Variants in TRPM1 observed in about 807,000 individuals in gnomAD.
TRPM1 encodes TRPM1-203 APA Isoform, Intron 10.
In TRPM1, 113 loss-of-function variants were observed where a neutral mutation model predicts 149.4. That is an observed-to-expected ratio of 0.76 (90% CI 0.65 to 0.88). The LOEUF is 0.88. TRPM1 is among the 40% of genes least tolerant of loss of function. The pLI, the probability that TRPM1 is intolerant of heterozygous loss-of-function variation, is 0.00. For synonymous variants in TRPM1, 741 were observed against 759.5 expected, an observed-to-expected ratio of 0.98 and a Z score of 0.40; for missense variants, 1,976 against 2,038.7, an observed-to-expected ratio of 0.97 and a Z score of 0.59.
At chr15:31,157,000 C>T (rs2036387132) in intron 1 of TRPM1, among the ~76,000 whole-genome samples, 1 of 151,908 alleles carries the variant, frequency 6.6e-6, no homozygotes, top group Non-Finnish European at 1.5e-5. Context: ...CATCCTTGAC[C>T]TCCTTGGGCT....
intron 1 of TRPM1, among the ~76,000 whole-genome samples, chr15:31,090,257 T>C (rs998581135): frequency 1.3e-5 from 2 of 152,104 alleles, no homozygotes; most frequent in Non-Finnish European, 1.5e-5. Flanking sequence ...TCCTCACCCT[T>C]CAACCAGCTG....
intron 1 of TRPM1, among the ~76,000 whole-genome samples, chr15:31,097,316 G>A (rs376198549): frequency 1.5e-5 from 2 of 137,872 alleles, no homozygotes; most frequent in African/African-American, 2.7e-5. Context: ...TAGGAACTAT[G>A]GAGGGTATCC....
chr15:31,072,114 T>C (rs1192527766), intron 3 of TRPM1, among the ~76,000 whole-genome samples: 1 of 150,666 alleles, frequency 6.6e-6, no homozygotes, highest in African/African-American at 2.4e-5. Context: ...TTCGAACATT[T>C]TCATCACCTC....
chr15:31,032,801 C>A lies in TRPM1; in HGVS notation c.2840G>T (p.Gly947Val). ...CACACAGTAGATCACCCGGCCATAGCCCATGTAGGGCTGGTTCTGTAGGCG... is the reference window on the plus strand; with the variant it reads ...CACACAGTAGATCACCCGGCCATAGACCATGTAGGGCTGGTTCTGTAGGCG... ...ILRLQNQPYM[G>V]YGRVIYCVDI... Residue 947 changes from glycine to valine, a missense_variant, in exon 22 of 28, where the codon GGC (glycine) becomes GTC (valine). By Grantham distance (109) the Gly-to-Val change is moderately radical (BLOSUM62 -3). Coordinates refer to ENST00000256552, the MANE Select transcript of TRPM1 (RefSeq NM_001252024.2). The A allele has an allele frequency of 2.5e-6, 4 of 1,614,164 alleles. No homozygotes were observed. The highest frequency in any genetic ancestry group is 3.4e-6 in the Non-Finnish European group (4 of 1,180,024).
chr15:31,156,933 T>A (rs1022164758), intron 1 of TRPM1, among the ~76,000 whole-genome samples: 58 of 151,052 alleles, frequency 3.8e-4, no homozygotes, highest in Middle Eastern at 3.4e-3. Flanking sequence ...TACATTTATT[T>A]TTTTTTTTTT....
At chr15:31,066,854 T>C (rs751751018) in intron 6 of TRPM1, among the ~76,000 whole-genome samples, 1 of 152,146 alleles carries the variant, frequency 6.6e-6, no homozygotes, top group Admixed American at 6.5e-5. Flanking sequence ...CTCGTGTTGA[T>C]GGAAACATTC....
chr15:31,035,192 C>T (rs536064123), intron 21 of TRPM1, among the ~76,000 whole-genome samples: 58 of 152,250 alleles, frequency 3.8e-4, no homozygotes, highest in African/African-American at 3.9e-4. Flanking sequence ...TTAGTTGAGA[C>T]GGGGTTTCAC....
intron 20 of TRPM1, among the ~76,000 whole-genome samples, chr15:31,037,323 G>A (rs552430162): frequency 2.0e-5 from 3 of 152,330 alleles, no homozygotes; most frequent in African/African-American, 7.2e-5. Context: ...CCCTTGTAAT[G>A]ACCCCACCAA....
At chr15:31,120,430 A>G (rs12324335) in intron 1 of TRPM1, among the ~76,000 whole-genome samples, 63,532 of 152,040 alleles carry the variant, frequency 0.42, 14,030 homozygotes, top group East Asian at 0.73. Flanking sequence ...GCAAGGAGAA[A>G]TATAAAAATC....
chr15:31,113,461 T>C (rs756666433), intron 1 of TRPM1, among the ~76,000 whole-genome samples: 22 of 151,594 alleles, frequency 1.5e-4, no homozygotes, highest in Admixed American at 1.3e-3. Context: ...CTCTAAGGTA[T>C]AGAGATAAAA....
chr15:31,111,895 A>C (rs1005927606), intron 1 of TRPM1, among the ~76,000 whole-genome samples: 1 of 151,666 alleles, frequency 6.6e-6, no homozygotes, highest in Non-Finnish European at 1.5e-5. Flanking sequence ...CAAAGCACCC[A>C]CCCCCCCAAA....
In TRPM1 at chr15:31,119,581, G is replaced by A. The variant is rs2035849286; in HGVS notation, c.54+41325C>T. On this transcript the variant is annotated intron_variant, in intron 1 of 26. Transcript: ENST00000542188. The stretch of plus-strand genomic sequence containing the variant: ...TACATAAATGAAGAGTGTTAGAGAA[G>A]AAATAAATAAAGGTAAAGTAAAACC... 3.3e-5 allele frequency among the ~76,000 whole-genome samples: 5 copies of A among 151,996 alleles called. No homozygotes were observed. The South Asian group carries it at 1.0e-3, about 32-fold the overall frequency.
At chr15:31,141,782 G>T (rs1302915635) in intron 1 of TRPM1, among the ~76,000 whole-genome samples, 1 of 152,226 alleles carries the variant, frequency 6.6e-6, no homozygotes, top group Non-Finnish European at 1.5e-5. Context: ...GAAATTTTGT[G>T]TGTGATCAAG....
chr15:31,081,754 A>C (rs1347343644), intron 1 of TRPM1, among the ~76,000 whole-genome samples: 1 of 152,130 alleles, frequency 6.6e-6, no homozygotes, highest in Non-Finnish European at 1.5e-5. Context: ...CTAATGACTC[A>C]GTGATTTACT....
At chr15:31,031,189 C>A in intron 22 of TRPM1, 32 bp from the exon 23 acceptor site, 1 of 1,613,988 alleles carries the variant, frequency 6.2e-7, no homozygotes, top group Non-Finnish European at 8.5e-7. Context: ...CTCTCACTGT[C>A]TTGGCTTGTG....
At chr15:31,117,489 G>A (rs2035815520) in intron 1 of TRPM1, among the ~76,000 whole-genome samples, 2 of 147,482 alleles carry the variant, frequency 1.4e-5, no homozygotes, top group African/African-American at 5.0e-5. Context: ...TCTGTCTCAG[G>A]AAAAAAAAAA....
intron 1 of TRPM1, among the ~76,000 whole-genome samples, chr15:31,139,635 G>C (rs903614387): frequency 2.6e-5 from 4 of 152,194 alleles, no homozygotes; most frequent in African/African-American, 9.7e-5. Flanking sequence ...GTAAATCTTT[G>C]GTAAGTAAGA....
At chr15:31,044,955 A>G (rs1161898113) in intron 16 of TRPM1, among the ~76,000 whole-genome samples, 1 of 152,198 alleles carries the variant, frequency 6.6e-6, no homozygotes, top group Non-Finnish European at 1.5e-5. Context: ...CTAGAAAATA[A>G]AAAGCCTGAA....
chr15:31,112,633 A>G (rs1378371219), intron 1 of TRPM1, among the ~76,000 whole-genome samples: 1 of 152,102 alleles, frequency 6.6e-6, no homozygotes, highest in Non-Finnish European at 1.5e-5. Flanking sequence ...CGTGGTGTCC[A>G]CTTTGAGGGG....
Sources: gnomAD v4.1 joint callset for allele counts (sites outside exome capture counted in the v4.1 genomes callset) on GRCh38, gnomAD v4.1.1 for gene constraint, MANE v1.5 for transcripts, NCBI Gene and HGNC (gene_info 2026-07-23, HGNC 2026-07-21) for gene names.